HK1: variants seen among roughly 807,000 people sequenced by gnomAD.
HK1 encodes the protein hexokinase 1.
A neutral mutation model predicts 91.6 loss-of-function variants in HK1; 28 were observed. That is an observed-to-expected ratio of 0.31 (90% CI 0.23 to 0.42). The LOEUF is 0.42. HK1 is among the 10% of genes least tolerant of loss of function. The pLI is 1.00. For missense variants in HK1, 770 were observed against 1,219.8 expected (o/e 0.63, Z 5.49); for synonymous variants, 430 against 468.1 (o/e 0.92, Z 1.05).
rs560320705 is a variant in HK1 at position 69,392,367 on chromosome 10, A to T, written c.2219+59A>T. The T allele has an allele frequency of 3.9e-4, 616 of 1,573,524 alleles. 1 individual carries two copies. The highest frequency in any genetic ancestry group is 2.2e-3 in the Middle Eastern group (13 of 5,942). On this transcript the variant is annotated intron_variant, in intron 15 of 17. Coordinates refer to ENST00000359426, the MANE Select transcript of HK1 (RefSeq NM_000188.3). ...CAGGGTGGGGGCAGCACTTGGCTGC[A>T]TTCTGCCACTTGCAGTGGAAGAAGT...
Position 69,376,998 on chromosome 10 carries a change from G to A in HK1, c.940G>A (p.Ala314Thr), listed in dbSNP as rs200379909. ...ELVRLILVKM[A>T]KEGLLFEGRI... The stretch of plus-strand genomic sequence containing the variant: ...GGTTCGACTGATCCTAGTCAAGATG[G>A]CCAAGGAGGGCCTCTTATTTGAAGG... The change falls in exon 8 of 18, where the codon GCC becomes ACC. Residue 314 changes from alanine (A) to threonine (T), a missense_variant. By Grantham distance (58) the Ala-to-Thr change is moderately conservative. Transcript: ENST00000359426. 2.5e-6 allele frequency: 4 copies of A among 1,614,202 alleles called. No homozygotes were observed. The highest frequency in any genetic ancestry group is 2.2e-5 in the East Asian group (1 of 44,890).
At chr10:69,306,506 A>G (rs2132518774) in intron 5 of HK1, among the ~76,000 whole-genome samples, 1 of 152,342 alleles carries the variant, frequency 6.6e-6, no homozygotes. Flanking sequence ...GACTTTGATT[A>G]GCTTAGTGTT....
At position 69,392,082 on chromosome 10, in the gene HK1, A is replaced by G. The variant is rs372861133; in HGVS notation, c.2036-43A>G. On this transcript the variant is annotated intron_variant, in intron 14 of 17. Transcript: ENST00000359426. ...CCCAGGCCCAGTTGCAAGACCCCCA[A>G]ATGCAAGGCCACCGCTCCTCATTGC... 1.5e-4 allele frequency: 249 copies of G among 1,611,520 alleles called. 1 individual carries two copies. The highest frequency in any genetic ancestry group is 5.1e-4 in the South Asian group (46 of 91,006).
upstream of HK1, chr10:69,318,119 G>A (rs1050275144): frequency 1.0e-6 from 1 of 985,352 alleles, no homozygotes; most frequent in Non-Finnish European, 1.2e-6. Flanking sequence ...ACCGGAGCTG[G>A]TGACTCGGGG....
chr10:69,300,720 A>G (rs1845819516), intron 4 of HK1: 1 of 1,057,362 alleles, frequency 9.5e-7, no homozygotes, highest in South Asian at 1.3e-5. Context: ...AAACCAGACG[A>G]TGACTTTGGA....
chr10:69,319,306 G>A, intron 1 of HK1: 1 of 532,152 alleles, frequency 1.9e-6, no homozygotes, highest in East Asian at 3.4e-5. Flanking sequence ...GGGCTGTGCG[G>A]GGAGGTGGCC....
At chr10:69,318,770 ACGGGAGCGCGGAGAC>A (rs982398477), upstream of HK1, 1 of 1,245,804 alleles carries the variant, frequency 8.0e-7, no homozygotes, top group African/African-American at 1.6e-5. Context: ...CCTCCAGGGG[ACGGGAGCGCGGAGAC>A]CGGGAGCGCG....
In HK1 at chr10:69,305,990, G is replaced by C. The variant is rs1055915523; in HGVS notation, c.27+5129G>C. On this transcript the variant is annotated intron_variant, in intron 5 of 21. Transcript: ENST00000360289. ...AGGATGAGAATATGCCCAGAAAAAA[G>C]AGACATAAGCCACAGTAGGATCTGT... 2.0e-5 allele frequency among the ~76,000 whole-genome samples: 3 copies of C among 152,272 alleles called. No individual in the cohort carries two copies. The East Asian group carries it at 5.8e-4, about 29-fold the overall frequency.
At chr10:69,307,765 G>C (rs1846171429) in intron 5 of HK1, among the ~76,000 whole-genome samples, 1 of 152,140 alleles carries the variant, frequency 6.6e-6, no homozygotes, top group South Asian at 2.1e-4. Context: ...CTAAGTGCTA[G>C]CTATTAATAT....
intron 1 of HK1, among the ~76,000 whole-genome samples, chr10:69,339,106 A>G (rs946154751): frequency 2.6e-5 from 4 of 152,140 alleles, no homozygotes; most frequent in African/African-American, 9.7e-5. Flanking sequence ...TTGCTCAGTG[A>G]AGTGCTGGGT....
intron 13 of HK1, chr10:69,386,667 A>G: frequency 2.7e-6 from 1 of 375,810 alleles, no homozygotes; most frequent in Non-Finnish European, 5.1e-6. Flanking sequence ...CTGTAGTCCC[A>G]GCTACTCGGG....
At chr10:69,352,566 T>A (rs1188955344) in intron 2 of HK1, among the ~76,000 whole-genome samples, 1 of 152,192 alleles carries the variant, frequency 6.6e-6, no homozygotes, top group Non-Finnish European at 1.5e-5. Context: ...TGATCCACGC[T>A]ACAGCATGGA....
intron 10 of HK1, 22 bp downstream of exon 10, chr10:69,382,813 A>T: frequency 6.2e-7 from 1 of 1,605,198 alleles, no homozygotes; most frequent in South Asian, 1.1e-5. Context: ...CTGGGGGCTG[A>T]CATGCCTGTC....
intron 4 of HK1, among the ~76,000 whole-genome samples, chr10:69,300,280 T>C (rs1212995792): frequency 6.6e-6 from 1 of 151,920 alleles, no homozygotes; most frequent in Non-Finnish European, 1.5e-5. Flanking sequence ...TTCTTGAACC[T>C]CATATAAATA....
intron 3 of HK1, among the ~76,000 whole-genome samples, chr10:69,295,296 C>A (rs569889180): frequency 6.6e-6 from 1 of 152,130 alleles, no homozygotes; most frequent in East Asian, 1.9e-4. Flanking sequence ...CATTACTGAC[C>A]GGCACATCTG....
At chr10:69,350,951 A>G (rs1239754445) in intron 2 of HK1, among the ~76,000 whole-genome samples, 1 of 148,100 alleles carries the variant, frequency 6.8e-6, no homozygotes, top group African/African-American at 2.5e-5. Context: ...CAGGCGGATC[A>G]CGAGGTCAGG....
At chr10:69,304,937 G>C (rs988896779) in intron 5 of HK1, among the ~76,000 whole-genome samples, 13 of 152,046 alleles carry the variant, frequency 8.6e-5, no homozygotes, top group Non-Finnish European at 1.5e-4. Context: ...TGGCAGGCTT[G>C]TGCTCCCTCT....
upstream of HK1, chr10:69,318,124 T>A (rs548897479): frequency 9.1e-6 from 9 of 985,400 alleles, no homozygotes; most frequent in South Asian, 4.2e-4. Flanking sequence ...AGCTGGTGAC[T>A]CGGGGGCGGG....
At position 69,379,935 on chromosome 10, in the gene HK1, G is replaced by A. The variant is rs143502069; in HGVS notation, c.1105G>A (p.Val369Ile). 3.5e-4 allele frequency: 557 copies of A among 1,614,244 alleles called. 2 individuals are homozygous for A. The highest frequency in any genetic ancestry group is 2.1e-3 in the South Asian group (191 of 91,090). The change falls in exon 9 of 18, where the codon GTC becomes ATC. Residue 369 changes from valine to isoleucine, a missense_variant. Coordinates refer to ENST00000359426, the MANE Select transcript of HK1 (RefSeq NM_000188.3). ...LGVEPSDDDC[V>I]SVQHVCTIVS... Reference sequence around the variant, plus strand: ...AGTGGAGCCGTCCGATGATGACTGTGTCTCAGTCCAGCACGTTTGCACCAT... The same window carrying A: ...AGTGGAGCCGTCCGATGATGACTGTATCTCAGTCCAGCACGTTTGCACCAT...
Sources: gnomAD v4.1 joint callset for allele counts (sites outside exome capture counted in the v4.1 genomes callset) on GRCh38, gnomAD v4.1.1 for gene constraint, MANE v1.5 for transcripts, NCBI Gene and HGNC (gene_info 2026-07-23, HGNC 2026-07-21) for gene names.